VWA8: variants seen among roughly 807,000 people sequenced by gnomAD.
The protein encoded by VWA8 is von Willebrand factor A domain containing 8, also known as von Willebrand factor A domain-containing protein 8.
In VWA8, 221 loss-of-function variants were observed where a neutral mutation model predicts 241.5. The ratio of observed to expected loss-of-function variants is 0.91; its 90% CI spans 0.82 to 1.02. The LOEUF is 1.02. VWA8 is among the 50% of genes least tolerant of loss of function. The probability of loss-of-function intolerance (pLI) is 0.00; values close to 1 mark genes in which losing one functional copy is unlikely to be tolerated. For missense variants in VWA8, 2,322 were observed against 2,328.7 expected (o/e 1.00, Z 0.06); for synonymous variants, 852 against 827.1 (o/e 1.03, Z -0.52).
At chr13:41,575,953 C>A in intron 42 of VWA8, 115 bp from the exon 43 acceptor site, 1 of 672,570 alleles carries the variant, frequency 1.5e-6, no homozygotes, top group Non-Finnish European at 2.5e-6. Flanking sequence ...AACATATGGC[C>A]ATAAAGAAAT....
At chr13:41,719,544 A>G (rs575401932) in intron 26 of VWA8, 47 bp downstream of exon 26, 9 of 1,606,594 alleles carry the variant, frequency 5.6e-6, no homozygotes, top group African/African-American at 2.7e-5. Context: ...TGATAAATCA[A>G]GAACTATCAG....
rs140997701 is a variant in VWA8, at chr13:41,834,952, G to A, written c.1426-1421C>T. ...TGCAGGGACATGGATGCAGCTAGAGGCCATTATTCTTAGCAAACTAACCCA... is the reference window on the plus strand; with the variant it reads ...TGCAGGGACATGGATGCAGCTAGAGACCATTATTCTTAGCAAACTAACCCA... On this transcript the variant is annotated intron_variant, in intron 12 of 44. Transcript: ENST00000379310. Among the ~76,000 whole-genome samples, 1,097 of 152,226 alleles carry A rather than the reference G, an allele frequency of 7.2e-3. 11 individuals carry two copies. The highest frequency in any genetic ancestry group is 0.024 in the Middle Eastern group (7 of 294).
At chr13:41,664,664 C>T (rs373267118) in intron 37 of VWA8, among the ~76,000 whole-genome samples, 6 of 151,908 alleles carry the variant, frequency 3.9e-5, no homozygotes, top group African/African-American at 1.2e-4. Flanking sequence ...GACAGACTTT[C>T]GACTAATCTT....
intron 26 of VWA8, among the ~76,000 whole-genome samples, chr13:41,717,670 T>C (rs917976606): frequency 1.3e-5 from 2 of 152,038 alleles, no homozygotes; most frequent in Non-Finnish European, 2.9e-5. Context: ...AACCTGTGAA[T>C]TTCAAGAAGG....
chr13:41,571,442 C>A (rs1172056560), intron 43 of VWA8, among the ~76,000 whole-genome samples: 1 of 151,696 alleles, frequency 6.6e-6, no homozygotes, highest in African/African-American at 2.4e-5. Context: ...TCACTGCAAC[C>A]TCCCTGCCTG....
At chr13:41,930,270 T>C (rs555993682) in intron 2 of VWA8, among the ~76,000 whole-genome samples, 2 of 152,298 alleles carry the variant, frequency 1.3e-5, no homozygotes, top group Middle Eastern at 3.4e-3. Context: ...GCACTGTTGG[T>C]AGACATGTAA....
At chr13:41,669,867 A>G (rs1203416853) in intron 37 of VWA8, among the ~76,000 whole-genome samples, 2 of 152,194 alleles carry the variant, frequency 1.3e-5, no homozygotes, top group African/African-American at 2.4e-5. Context: ...TAATCAGTCC[A>G]TGGCACTTAC....
intron 40 of VWA8, among the ~76,000 whole-genome samples, chr13:41,601,299 T>C (rs1371748715): frequency 6.6e-6 from 1 of 152,140 alleles, no homozygotes. Flanking sequence ...AGAATTTTCT[T>C]AGTACAGGGA....
intron 2 of VWA8, among the ~76,000 whole-genome samples, chr13:41,927,856 C>T (rs765521477): frequency 6.6e-6 from 1 of 151,916 alleles, no homozygotes; most frequent in South Asian, 2.1e-4. Context: ...TACAAGAGAC[C>T]CACTTTAGCT....
At chr13:41,582,713 A>T (rs1356701889) in intron 42 of VWA8, among the ~76,000 whole-genome samples, 1 of 149,676 alleles carries the variant, frequency 6.7e-6, no homozygotes, top group East Asian at 2.0e-4. Flanking sequence ...GAAAGTATTC[A>T]GTTGAATATG....
intron 35 of VWA8, among the ~76,000 whole-genome samples, chr13:41,680,809 AT>A (rs1452411146): frequency 6.6e-6 from 1 of 152,208 alleles, no homozygotes; most frequent in Non-Finnish European, 1.5e-5. Context: ...TAGCACCATT[AT>A]TTGTAATAGC....
intron 2 of VWA8, among the ~76,000 whole-genome samples, chr13:41,931,584 C>CA (rs754167381): frequency 1.0e-3 from 152 of 150,150 alleles, no homozygotes; most frequent in Non-Finnish European, 1.6e-4. Context: ...TTTGCCAAAC[C>CA]AAAAAAAACA....
intron 34 of VWA8, 40 bp from the exon 35 acceptor site, chr13:41,685,282 T>C: frequency 1.3e-6 from 2 of 1,570,588 alleles, no homozygotes; most frequent in Non-Finnish European, 1.7e-6. Flanking sequence ...AAGTACCATA[T>C]ACTACATTCA....
At chr13:41,682,175 T>C (rs914918372) in intron 35 of VWA8, among the ~76,000 whole-genome samples, 2 of 152,072 alleles carry the variant, frequency 1.3e-5, no homozygotes, top group African/African-American at 4.8e-5. Context: ...GATAGACACA[T>C]AGACCAATGG....
intron 37 of VWA8, among the ~76,000 whole-genome samples, chr13:41,661,528 T>A (rs1479946832): frequency 6.6e-6 from 1 of 152,198 alleles, no homozygotes; most frequent in Non-Finnish European, 1.5e-5. Context: ...AGTTTCTCCA[T>A]CTGCAAATAA....
At chr13:41,716,503 T>C (rs2045348824) in intron 26 of VWA8, among the ~76,000 whole-genome samples, 1 of 152,096 alleles carries the variant, frequency 6.6e-6, no homozygotes, top group Non-Finnish European at 1.5e-5. Context: ...AAGAAGGTGC[T>C]GTAGATAGCT....
At position 41,763,290 on chromosome 13, in the gene VWA8, AAAAT is replaced by A. The variant is rs59623577; in HGVS notation, c.2350-2090_2350-2087del. Among the ~76,000 whole-genome samples the A allele has an allele frequency of 1.4e-3, 194 of 139,706 alleles. 1 individual carries two copies. Among genetic ancestry groups the A allele is most frequent in the African/African-American group, 4.6e-3 (176 of 38,364 alleles). 91.7% of individuals were successfully genotyped at this position (139,706 alleles called of 152,430 possible). On this transcript the variant is annotated intron_variant, in intron 20 of 44. Transcript: ENST00000379310. ...GTGATGGAGCAAGACTCCACCTGTA[AAAAT>A]AAATAAATAAATAAATAGATAGATA...
intron 9 of VWA8, among the ~76,000 whole-genome samples, chr13:41,881,949 C>G (rs1366872815): frequency 1.3e-5 from 2 of 149,078 alleles, no homozygotes; most frequent in South Asian, 2.2e-4. Context: ...TGGGCGGAGA[C>G]GCTCCTCACT....
At chr13:41,743,181 T>G (rs2045580829) in intron 21 of VWA8, among the ~76,000 whole-genome samples, 1 of 152,126 alleles carries the variant, frequency 6.6e-6, no homozygotes, top group African/African-American at 2.4e-5. Flanking sequence ...CGGGAGTCAT[T>G]GCAGGGTTCT....
Sources: allele counts gnomAD v4.1 joint callset (sites outside exome capture counted in the v4.1 genomes callset), GRCh38; gene constraint gnomAD v4.1.1; transcripts MANE v1.5; gene names NCBI Gene and HGNC (gene_info 2026-07-23, HGNC 2026-07-21).